The following DSCAM variants were observed in gnomAD, a reference collection of about 807,000 sequenced individuals.
DSCAM encodes the protein DS cell adhesion molecule.
In DSCAM, 47 loss-of-function variants were observed where a neutral mutation model predicts 217.7. The observed-to-expected ratio is 0.22, with a 90% CI of 0.17 to 0.28. The LOEUF (loss-of-function observed/expected upper bound fraction) is 0.28, where lower values mean the gene tolerates loss of function less well. Ranked by LOEUF, DSCAM falls within the 10% of genes least tolerant of loss-of-function variation. The pLI is 1.00. For missense variants in DSCAM, 2,080 were observed against 2,618.3 expected (o/e 0.79, Z 4.49); for synonymous variants, 1,056 against 1,015.3 (o/e 1.04, Z -0.76).
intron 3 of DSCAM, among the ~76,000 whole-genome samples, chr21:40,446,016 T>A (rs1031247550): frequency 2.6e-5 from 4 of 152,206 alleles, no homozygotes; most frequent in Non-Finnish European, 5.9e-5. Flanking sequence ...GCCTGTATAT[T>A]AGAGTTTCAG....
intron 3 of DSCAM, among the ~76,000 whole-genome samples, chr21:40,527,158 C>T (rs2076407127): frequency 6.6e-6 from 1 of 152,144 alleles, no homozygotes; most frequent in Non-Finnish European, 1.5e-5. Flanking sequence ...AGGTGAAGCT[C>T]TCACTTCCTA....
intron 1 of DSCAM, among the ~76,000 whole-genome samples, chr21:40,845,587 C>T (rs1429665083): frequency 2.0e-5 from 3 of 150,350 alleles, no homozygotes; most frequent in African/African-American, 4.9e-5. Flanking sequence ...GTGTCTGTCT[C>T]GCTCTCTCTC....
chr21:40,351,149 T>A (rs2074626527), intron 5 of DSCAM, among the ~76,000 whole-genome samples: 1 of 152,008 alleles, frequency 6.6e-6, no homozygotes. Flanking sequence ...CTAGTGTAGG[T>A]ACAATTAAGA....
intron 4 of DSCAM, among the ~76,000 whole-genome samples, chr21:40,356,614 A>G (rs572027120): frequency 6.6e-6 from 1 of 152,246 alleles, no homozygotes; most frequent in Admixed American, 6.5e-5. Context: ...ATCACCTGGA[A>G]GGTGGATATA....
intron 3 of DSCAM, among the ~76,000 whole-genome samples, chr21:40,505,054 A>G (rs879856519): frequency 6.6e-6 from 1 of 152,186 alleles, no homozygotes; most frequent in Non-Finnish European, 1.5e-5. Context: ...GTAAGAGCCT[A>G]TCAATGACTT....
At chr21:40,044,413 G>A (rs1259012863) in intron 30 of DSCAM, 138 bp from the exon 31 acceptor site, 6 of 772,298 alleles carry the variant, frequency 7.8e-6, no homozygotes, top group Non-Finnish European at 1.0e-5. Flanking sequence ...GACTTCTCCT[G>A]TGCAGAGGAT....
rs559904971 is a variant in DSCAM at position 40,278,685 on chromosome 21, C to G, written c.2183-2415G>C. Reference sequence around the variant, plus strand: ...ACAGTGAGCTCCACTGTACTCTAGCCTGGGTGACAGTGAGATCTTGTCTCT... The same window carrying G: ...ACAGTGAGCTCCACTGTACTCTAGCGTGGGTGACAGTGAGATCTTGTCTCT... On this transcript the variant is annotated intron_variant, in intron 10 of 32. Transcript: ENST00000400454. Among the ~76,000 whole-genome samples, 81 of 151,996 alleles carry G rather than the reference C, an allele frequency of 5.3e-4. 1 individual carries two copies. Among genetic ancestry groups the G allele is most frequent in the African/African-American group, 1.9e-3 (78 of 41,466 alleles).
chr21:40,628,086 C>T (rs9977890), intron 3 of DSCAM, among the ~76,000 whole-genome samples: 94,782 of 152,034 alleles, frequency 0.62, 30,414 homozygotes, highest in Non-Finnish European at 0.69. Flanking sequence ...CACAATGAAA[C>T]CACAAATAAT....
At chr21:40,761,682 A>T (rs529704644) in intron 1 of DSCAM, among the ~76,000 whole-genome samples, 1 of 152,364 alleles carries the variant, frequency 6.6e-6, no homozygotes, top group South Asian at 2.1e-4. Flanking sequence ...TAATACAGAG[A>T]GAAACGATCC....
At chr21:40,825,411 G>A (rs995462425) in intron 1 of DSCAM, among the ~76,000 whole-genome samples, 12 of 151,948 alleles carry the variant, frequency 7.9e-5, no homozygotes, top group Middle Eastern at 3.4e-3. Flanking sequence ...TCTGCCTCCC[G>A]GGTTCAAGTG....
At chr21:40,636,908 C>G (rs1408201483) in intron 3 of DSCAM, among the ~76,000 whole-genome samples, 1 of 149,876 alleles carries the variant, frequency 6.7e-6, no homozygotes, top group East Asian at 2.0e-4. Context: ...GGCTGAGAAG[C>G]CAGGGATCCA....
At chr21:40,826,724 T>C (rs1036748834) in intron 1 of DSCAM, among the ~76,000 whole-genome samples, 1 of 152,212 alleles carries the variant, frequency 6.6e-6, no homozygotes, top group African/African-American at 2.4e-5. Flanking sequence ...GGACGAGCGA[T>C]GCTCAGTTTG....
At chr21:40,408,635 T>C (rs1004189794) in intron 3 of DSCAM, among the ~76,000 whole-genome samples, 1 of 152,220 alleles carries the variant, frequency 6.6e-6, no homozygotes, top group East Asian at 1.9e-4. Flanking sequence ...TTTAGTTACA[T>C]CATTTATGGA....
intron 1 of DSCAM, among the ~76,000 whole-genome samples, chr21:40,714,436 A>G (rs988316179): frequency 2.6e-5 from 4 of 152,034 alleles, no homozygotes; most frequent in African/African-American, 7.2e-5. Flanking sequence ...CCCAATCCCC[A>G]CCCCAGTGTT....
Position 40,338,327 on chromosome 21 carries a change from C to G in DSCAM, c.1557G>C (p.Arg519=). ...PMKNITAIAG[R]DTYIHCRVIG... ...TCACACGACAGTGAATGTATGTGTC[C>G]CGTCCTGCTATTGCTGTGATGTTTT... The change falls in exon 8 of 33, where the codon CGG becomes CGC. Residue 519 remains arginine, a synonymous_variant. Transcript: ENST00000400454. 6.2e-7 allele frequency: 1 copy of G among 1,614,162 alleles called. No individual in the cohort carries two copies.
chr21:40,530,944 T>TTCAA (rs926933082), intron 3 of DSCAM, among the ~76,000 whole-genome samples: 6 of 126,932 alleles, frequency 4.7e-5, no homozygotes, highest in Non-Finnish European at 8.3e-5. Flanking sequence ...CATCCATCCA[T>TTCAA]CCATCCATCC....
At chr21:40,798,723 A>T (rs1210809691) in intron 1 of DSCAM, among the ~76,000 whole-genome samples, 1 of 152,142 alleles carries the variant, frequency 6.6e-6, no homozygotes, top group African/African-American at 2.4e-5. Flanking sequence ...CTAATTGTAA[A>T]TGTTTAATAA....
chr21:40,158,699 G>GA (rs750899267), intron 16 of DSCAM, among the ~76,000 whole-genome samples: 119 of 152,282 alleles, frequency 7.8e-4, no homozygotes, highest in Non-Finnish European at 6.9e-4. Context: ...GTTATTTACA[G>GA]AAAAACAAAC....
intron 1 of DSCAM, among the ~76,000 whole-genome samples, chr21:40,769,396 G>A (rs528561864): frequency 5.3e-4 from 81 of 152,020 alleles, no homozygotes; most frequent in Non-Finnish European, 1.1e-3. Context: ...CCCATGGGGA[G>A]AAGGAGATGA....
Sources: gnomAD v4.1 joint callset for allele counts (sites outside exome capture counted in the v4.1 genomes callset) on GRCh38, gnomAD v4.1.1 for gene constraint, MANE v1.5 for transcripts, NCBI Gene and HGNC (gene_info 2026-07-23, HGNC 2026-07-21) for gene names.